The following LMNB1 variants were observed in gnomAD, a reference collection of about 807,000 sequenced individuals.
LMNB1 encodes lamin B1.
Under a neutral mutation model 67.1 loss-of-function variants are expected in LMNB1, and 23 were observed. That is an observed-to-expected ratio of 0.34 (90% CI 0.25 to 0.49). LMNB1 has a LOEUF of 0.49. Ranked by LOEUF, LMNB1 falls within the 20% of genes least tolerant of loss-of-function variation. The pLI is 0.99. For synonymous variants in LMNB1, 281 were observed against 282.9 expected, an observed-to-expected ratio of 0.99 and a Z score of 0.07; for missense variants, 634 against 746.5, an observed-to-expected ratio of 0.85 and a Z score of 1.76.
At position 126,804,937 on chromosome 5, in the gene LMNB1, G is replaced by A. The variant is rs529787240; in HGVS notation, c.516+5G>A. 1.6e-4 allele frequency: 261 copies of A among 1,613,280 alleles called. 2 individuals carry two copies. The South Asian group carries it at 2.8e-3, about 17-fold the overall frequency. On this transcript the variant is annotated splice_donor_5th_base_variant and intron_variant, in intron 2 of 10. Coordinates refer to ENST00000261366, the MANE Select transcript of LMNB1 (RefSeq NM_005573.4). ...CTGAAGGATCAGATTGCCCAGGTAAGGTCAAGCCTACTCTTGAGCCGTATG... is the reference window on the plus strand; with the variant it reads ...CTGAAGGATCAGATTGCCCAGGTAAAGTCAAGCCTACTCTTGAGCCGTATG...
At chr5:126,822,670 T>TGACC in intron 7 of LMNB1, 111 bp from the exon 8 acceptor site, 1 of 587,636 alleles carries the variant, frequency 1.7e-6, no homozygotes, top group Non-Finnish European at 3.0e-6. Context: ...TGTGGGAAGA[T>TGACC]GACCATAAAG....
At chr5:126,824,912 T>C (rs966139939) in intron 8 of LMNB1, among the ~76,000 whole-genome samples, 2 of 144,634 alleles carry the variant, frequency 1.4e-5, no homozygotes, top group Non-Finnish European at 3.0e-5. Context: ...GGTTTTAAAC[T>C]CCTTAGCTCA....
rs953139499 is a variant in LMNB1 at position 126,836,472 on chromosome 5, T to C, written c.*208T>C. 1.4e-5 allele frequency: 7 copies of C among 492,524 alleles called. No homozygotes were observed. The highest frequency in any genetic ancestry group is 1.2e-4 in the African/African-American group (6 of 51,136). The allele number at this position is 492,524 out of a possible 1,614,324, so 30.5% of individuals were successfully genotyped here. A position where few individuals can be genotyped will look rare whatever the true frequency, so the allele number is the denominator to read the frequency against. ...ACACTTTGTTGCAAGATGTGAATTA[T>C]TGACACTGAACTTAATAACTGTGTA... On this transcript the variant is annotated 3_prime_UTR_variant, in exon 11 of 11. Transcript: ENST00000261366.
chr5:126,825,255 ATAT>A (rs745667162), intron 8 of LMNB1, among the ~76,000 whole-genome samples: 4 of 152,158 alleles, frequency 2.6e-5, no homozygotes, highest in Non-Finnish European at 5.9e-5. Context: ...TTGCCAGTAG[ATAT>A]ATAAAAAGAA....
At chr5:126,803,068 C>T (rs1299837978) in intron 1 of LMNB1, among the ~76,000 whole-genome samples, 4 of 150,264 alleles carry the variant, frequency 2.7e-5, no homozygotes, top group Non-Finnish European at 5.9e-5. Flanking sequence ...TGCCTGTAAT[C>T]CCAGCTACTT....
chr5:126,784,839 T>G (rs963156536), intron 1 of LMNB1, among the ~76,000 whole-genome samples: 2 of 150,842 alleles, frequency 1.3e-5, no homozygotes, highest in African/African-American at 4.9e-5. Flanking sequence ...TTTTTTTATA[T>G]TTTTAGTAGA....
intron 8 of LMNB1, among the ~76,000 whole-genome samples, chr5:126,824,837 C>A (rs559717750): frequency 1.4e-5 from 2 of 144,180 alleles, no homozygotes; most frequent in East Asian, 4.1e-4. Flanking sequence ...TTTCCTGTTT[C>A]CACCCCACCC....
At chr5:126,790,861 A>C (rs1220303781) in intron 1 of LMNB1, among the ~76,000 whole-genome samples, 1 of 151,888 alleles carries the variant, frequency 6.6e-6, no homozygotes, top group African/African-American at 2.4e-5. Flanking sequence ...ACTCTACTAA[A>C]AGTACAAAAA....
rs184509834 is a variant in LMNB1 at position 126,821,846 on chromosome 5, T to C, written c.1386+711T>C. On this transcript the variant is annotated intron_variant, in intron 7 of 10. Transcript: ENST00000261366. ...GATGGATGTCACATCTTGAAACATA[T>C]GTTCAGGGCCTGCTAAAAGTAGTTT... Among the ~76,000 whole-genome samples the C allele has an allele frequency of 2.0e-3, 307 of 152,248 alleles. 1 individual carries two copies. The Middle Eastern group carries it at 0.024, about 12-fold the overall frequency.
chr5:126,835,543 TCTC>T (rs1311254952), intron 10 of LMNB1, among the ~76,000 whole-genome samples: 14 of 152,214 alleles, frequency 9.2e-5, no homozygotes, highest in African/African-American at 3.1e-4. Flanking sequence ...GATCCACTGA[TCTC>T]CTATTTCCTA....
At chr5:126,787,546 A>ATGTTTTTTTTTTTTTTTTT in intron 1 of LMNB1, among the ~76,000 whole-genome samples, 1 of 65,584 alleles carries the variant, frequency 1.5e-5, no homozygotes, top group Non-Finnish European at 2.7e-5. Flanking sequence ...ATATATATAT[A>ATGTTTTTTTTTTTTTTTTT]TTTTTTTTTT....
intron 1 of LMNB1, among the ~76,000 whole-genome samples, chr5:126,789,295 TAAAATGTGATCATTTCA>T: frequency 6.6e-6 from 1 of 152,186 alleles, no homozygotes; most frequent in Non-Finnish European, 1.5e-5. Context: ...GGTTGTGTCC[TAAAATGTGATCATTTCA>T]CCCCTTTTGG....
At position 126,826,003 on chromosome 5, in the gene LMNB1, G is replaced by A. The variant is rs770347671; in HGVS notation, c.1507G>A (p.Ala503Thr). The A allele has an allele frequency of 1.5e-5, 24 of 1,613,886 alleles. No individual in the cohort carries two copies. Among genetic ancestry groups the A allele is most frequent in the Admixed American group, 1.2e-4 (7 of 59,986 alleles). Residue 503 changes from alanine to threonine, a missense_variant, in exon 9 of 11, where the codon GCT becomes ACT. Physicochemically the swap from Ala to Thr is moderately conservative, Grantham distance 58. Coordinates refer to ENST00000261366, the MANE Select transcript of LMNB1 (RefSeq NM_005573.4). ...TTTTTTACAGATTTGGGCTGCAAACGCTGGTGTCACAGCCAGCCCCCCAAC... is the reference window on the plus strand; with the variant it reads ...TTTTTTACAGATTTGGGCTGCAAACACTGGTGTCACAGCCAGCCCCCCAAC... ...GQTVTIWAAN[A>T]GVTASPPTDL...
rs761806574 is a variant in LMNB1 at position 126,805,602 on chromosome 5, A to G, written c.548A>G (p.Gln183Arg). ...GCCTCCTTAGCTGCAGCCAAAAAAC[A>G]GTTAGCAGATGAAACTTTACTTAAA... ...LEASLAAAKKQLADETLLKVD... is the reference protein window; with the variant it reads ...LEASLAAAKKRLADETLLKVD... The change falls in exon 3 of 11, where the codon CAG becomes CGG. Residue 183 changes from glutamine to arginine, a missense_variant. Gln to Arg is a conservative substitution (Grantham distance 43). Transcript: ENST00000261366. 2.5e-6 allele frequency: 4 copies of G among 1,610,942 alleles called. No homozygotes were observed. The highest frequency in any genetic ancestry group is 1.3e-5 in the African/African-American group (1 of 74,876).
At chr5:126,783,165 A>G (rs1554112310) in intron 1 of LMNB1, among the ~76,000 whole-genome samples, 10 of 151,880 alleles carry the variant, frequency 6.6e-5, no homozygotes, top group Admixed American at 2.6e-4. Flanking sequence ...GTACCACTGC[A>G]CTCCAGCTTG....
In LMNB1 at chr5:126,781,522, C is replaced by T. The variant is rs543855886; in HGVS notation, c.359+3655C>T. On this transcript the variant is annotated intron_variant, in intron 1 of 10. Transcript: ENST00000261366. ...ACGGAGCTTGGCTCACTGCAACCTCCGCCTCCCAGGTTCAAGCGATGCTCT... is the reference window on the plus strand; with the variant it reads ...ACGGAGCTTGGCTCACTGCAACCTCTGCCTCCCAGGTTCAAGCGATGCTCT... Among the ~76,000 whole-genome samples the T allele has an allele frequency of 2.3e-4, 35 of 151,910 alleles. 1 individual carries two copies. Among genetic ancestry groups the T allele is most frequent in the African/African-American group, 6.5e-4 (27 of 41,452 alleles).
intron 1 of LMNB1, among the ~76,000 whole-genome samples, chr5:126,787,546 A>ATATATATATTTTTTTT: frequency 2.7e-4 from 18 of 65,558 alleles, no homozygotes; most frequent in South Asian, 5.6e-4. Context: ...ATATATATAT[A>ATATATATATTTTTTTT]TTTTTTTTTT....
At chr5:126,832,317 CTTTTT>C (rs1299266254) in intron 9 of LMNB1, among the ~76,000 whole-genome samples, 2 of 149,462 alleles carry the variant, frequency 1.3e-5, no homozygotes, top group African/African-American at 4.9e-5. Flanking sequence ...AATGCTGTCT[CTTTTT>C]TTTTTCTTTT....
chr5:126,777,932 C>G, intron 1 of LMNB1, 65 bp downstream of exon 1: 8 of 1,365,220 alleles, frequency 5.9e-6, no homozygotes, highest in Non-Finnish European at 7.6e-6. Context: ...CGGCGACCAG[C>G]TCACCGGGTT....
Sources: allele counts gnomAD v4.1 joint callset (sites outside exome capture counted in the v4.1 genomes callset), GRCh38; gene constraint gnomAD v4.1.1; transcripts MANE v1.5; gene names NCBI Gene and HGNC (gene_info 2026-07-23, HGNC 2026-07-21).